Variants in SLIT3 observed in about 807,000 individuals in gnomAD.
The protein encoded by SLIT3 is slit guidance ligand 3.
In SLIT3, 68 loss-of-function variants were observed where a neutral mutation model predicts 184.0. The observed-to-expected ratio is 0.37, with a 90% CI of 0.30 to 0.45. The LOEUF (loss-of-function observed/expected upper bound fraction) is 0.45. SLIT3 is among the 20% of genes least tolerant of loss of function. The pLI is 1.00. For synonymous variants in SLIT3, 831 were observed against 828.6 expected, an observed-to-expected ratio of 1.00 and a Z score of -0.05; for missense variants, 1,707 against 2,026.0, an observed-to-expected ratio of 0.84 and a Z score of 3.02.
Position 169,133,352 on chromosome 5 carries a change from C to T in SLIT3, c.413+60127G>A, listed in dbSNP as rs113212053. Among the ~76,000 whole-genome samples, 152 of 152,276 alleles carry T rather than the reference C, an allele frequency of 1.0e-3. 3 individuals are homozygous for T. The highest frequency in any genetic ancestry group is 3.6e-3 in the African/African-American group (148 of 41,556). On this transcript the variant is annotated intron_variant, in intron 4 of 35. Transcript: ENST00000519560. ...TCTTGGAATCTTGAGTGGTGAGAGC[C>T]CACCTTTGCCACCTCCCCATGAATG...
chr5:168,748,431 T>A lies in SLIT3; in HGVS notation c.2141A>T (p.Asn714Ile). 1 of 1,524,382 alleles carries A rather than the reference T, an allele frequency of 6.6e-7. No individual in the cohort carries two copies. Among genetic ancestry groups the A allele is most frequent in the South Asian group, 1.3e-5 (1 of 77,090 alleles). The allele number at this position is 1,524,382 out of a possible 1,614,324, so 94.4% of individuals were successfully genotyped here. ...GCTCAGCTGGCAGCTACTCTCCTCG[T>A]TGCCTGTGGAGAGCCCCAGAGAGGG... ...VAIQDFTCDG[N>I]EESSCQLSPR... Residue 714 changes from asparagine to isoleucine, a missense_variant, in exon 20 of 36, where the codon AAC (asparagine) becomes ATC (isoleucine). This residue lies in a region of SLIT3 where 1,307 missense variants were observed against 1,511.6 expected (regional missense o/e 0.86). Transcript: ENST00000519560.
intron 4 of SLIT3, among the ~76,000 whole-genome samples, chr5:169,063,060 G>T (rs961250832): frequency 1.3e-5 from 2 of 152,188 alleles, no homozygotes; most frequent in African/African-American, 4.8e-5. Flanking sequence ...GGGTGCATTT[G>T]CTGGTCTGCC....
chr5:168,782,745 C>A (rs1486242799), intron 12 of SLIT3, among the ~76,000 whole-genome samples: 2 of 152,132 alleles, frequency 1.3e-5, no homozygotes. Flanking sequence ...TTCCTAGTAT[C>A]CAAATGGGCA....
chr5:169,092,789 T>C (rs553806846), intron 4 of SLIT3, among the ~76,000 whole-genome samples: 127 of 152,192 alleles, frequency 8.3e-4, no homozygotes, highest in Non-Finnish European at 1.6e-3. Flanking sequence ...ACCCACTTCC[T>C]TTCTTCTCAT....
chr5:169,129,418 G>C (rs987993086), intron 4 of SLIT3, among the ~76,000 whole-genome samples: 1 of 152,062 alleles, frequency 6.6e-6, no homozygotes, highest in African/African-American at 2.4e-5. Context: ...CGGATGTGGT[G>C]GTGGGCGCCT....
At chr5:168,886,927 A>C (rs1221212356) in intron 4 of SLIT3, among the ~76,000 whole-genome samples, 1 of 152,214 alleles carries the variant, frequency 6.6e-6, no homozygotes, top group Non-Finnish European at 1.5e-5. Context: ...GTCAAATAGG[A>C]GTTGGCAAGA....
intron 20 of SLIT3, among the ~76,000 whole-genome samples, chr5:168,747,538 T>C (rs1241886931): frequency 6.6e-6 from 1 of 152,158 alleles, no homozygotes; most frequent in Non-Finnish European, 1.5e-5. Flanking sequence ...CCTCTGGTCC[T>C]AGCTGCAGTG....
chr5:169,158,205 C>T (rs1762371134), intron 4 of SLIT3, among the ~76,000 whole-genome samples: 1 of 152,140 alleles, frequency 6.6e-6, no homozygotes, highest in Non-Finnish European at 1.5e-5. Context: ...ATAACAAAAT[C>T]TTGAAACCAG....
intron 35 of SLIT3, among the ~76,000 whole-genome samples, chr5:168,668,522 T>G (rs1761127631): frequency 6.6e-6 from 1 of 152,224 alleles, no homozygotes; most frequent in African/African-American, 2.4e-5. Flanking sequence ...GAGGACCATT[T>G]TCTACACTTG....
intron 5 of SLIT3, among the ~76,000 whole-genome samples, chr5:168,871,528 GA>G (rs1759519454): frequency 6.6e-6 from 1 of 152,104 alleles, no homozygotes; most frequent in Non-Finnish European, 1.5e-5. Context: ...TAGCCCATTA[GA>G]AGCCATATGC....
chr5:169,266,982 C>T (rs1340230767), intron 1 of SLIT3, among the ~76,000 whole-genome samples: 1 of 152,206 alleles, frequency 6.6e-6, no homozygotes, highest in Admixed American at 6.5e-5. Context: ...CTGCACCCAA[C>T]CAACATTAAG....
intron 27 of SLIT3, among the ~76,000 whole-genome samples, chr5:168,698,333 G>C (rs1199959491): frequency 1.3e-5 from 2 of 152,186 alleles, no homozygotes; most frequent in Admixed American, 6.5e-5. Context: ...CCTACTAAAA[G>C]AGTGTGGACC....
At chr5:168,769,031 C>T (rs576903852) in intron 14 of SLIT3, among the ~76,000 whole-genome samples, 13 of 152,276 alleles carry the variant, frequency 8.5e-5, no homozygotes, top group Non-Finnish European at 1.2e-4. Context: ...GGCCAGTGCG[C>T]CTCCTGATGA....
chr5:168,805,363 G>C (rs1451592808), intron 9 of SLIT3, among the ~76,000 whole-genome samples: 2 of 152,046 alleles, frequency 1.3e-5, no homozygotes, highest in African/African-American at 4.8e-5. Context: ...AGAAAGGGGG[G>C]AGATTACGAC....
chr5:168,959,946 G>T (rs1456460733), intron 4 of SLIT3, among the ~76,000 whole-genome samples: 1 of 152,174 alleles, frequency 6.6e-6, no homozygotes, highest in Non-Finnish European at 1.5e-5. Flanking sequence ...AGCGCTAAGG[G>T]AACGAAGGCT....
intron 28 of SLIT3, among the ~76,000 whole-genome samples, chr5:168,694,380 T>G (rs1761992791): frequency 6.6e-6 from 1 of 152,246 alleles, no homozygotes; most frequent in African/African-American, 2.4e-5. Context: ...GTGATTCTTT[T>G]CATGGACCAG....
chr5:168,668,003 T>C (rs1414568400), intron 35 of SLIT3, among the ~76,000 whole-genome samples: 1 of 152,162 alleles, frequency 6.6e-6, no homozygotes, highest in African/African-American at 2.4e-5. Context: ...TTTAATAACA[T>C]TTTAAAAATG....
intron 3 of SLIT3, among the ~76,000 whole-genome samples, chr5:169,208,294 T>C (rs1016904723): frequency 2.6e-5 from 4 of 152,220 alleles, no homozygotes; most frequent in African/African-American, 9.6e-5. Flanking sequence ...GAGCATGGAA[T>C]GTTTTCCTAT....
intron 4 of SLIT3, among the ~76,000 whole-genome samples, chr5:169,009,992 T>G (rs183073910): frequency 2.0e-4 from 30 of 152,326 alleles, no homozygotes; most frequent in Non-Finnish European, 4.1e-4. Context: ...AAAAGTAGCA[T>G]GCAAGACTCC....
Sources: allele counts gnomAD v4.1 joint callset (sites outside exome capture counted in the v4.1 genomes callset), GRCh38; gene constraint gnomAD v4.1.1; regional missense constraint gnomAD v4.1.1; transcripts MANE v1.5; gene names NCBI Gene and HGNC (gene_info 2026-07-23, HGNC 2026-07-21).